DPH6: variants seen among roughly 807,000 people sequenced by gnomAD.
DPH6 encodes diphthamine biosynthesis 6.
In DPH6, 33 loss-of-function variants were observed where a neutral mutation model predicts 38.2. The ratio of observed to expected loss-of-function variants is 0.86; its 90% CI spans 0.65 to 1.15. DPH6 has a LOEUF of 1.15. Among genes scored for constraint, DPH6 ranks in the 50% most tolerant of loss-of-function variants. The pLI, the probability that DPH6 is intolerant of heterozygous loss-of-function variation, is 0.00. For missense variants in DPH6, 325 were observed against 320.0 expected (o/e 1.02, Z -0.12); for synonymous variants, 108 against 103.0 (o/e 1.05, Z -0.30).
the DPH6 span, among the ~76,000 whole-genome samples, chr15:35,197,941 T>C: frequency 6.6e-6 from 1 of 152,162 alleles, no homozygotes; most frequent in Non-Finnish European, 1.5e-5. Flanking sequence ...TTGTCACTGG[T>C]TGCATTTCCC....
intron 2 of DPH6, 141 bp from the exon 3 acceptor site, chr15:35,538,608 GTAAAA>G: frequency 1.5e-6 from 1 of 688,140 alleles, no homozygotes; most frequent in East Asian, 2.9e-5. Flanking sequence ...CATTTATGTA[GTAAAA>G]TAAAAACATA....
chr15:35,265,193 T>C (rs2051775508), intron 3 of DPH6, among the ~76,000 whole-genome samples: 1 of 151,816 alleles, frequency 6.6e-6, no homozygotes, highest in Admixed American at 6.6e-5. Context: ...AAATCTAGAA[T>C]ATAATAAGAA....
the DPH6 span, among the ~76,000 whole-genome samples, chr15:35,173,343 C>A: frequency 6.6e-6 from 1 of 152,168 alleles, no homozygotes. Context: ...AGGCAGCCAA[C>A]AAATCTTGTC....
chr15:35,165,727 T>C, the DPH6 span, among the ~76,000 whole-genome samples: 1 of 151,940 alleles, frequency 6.6e-6, no homozygotes, highest in Admixed American at 6.6e-5. Flanking sequence ...CATGTTTTCT[T>C]AAGTCATTGT....
At chr15:35,228,427 G>A in intron 3 of DPH6, among the ~76,000 whole-genome samples, 1 of 152,050 alleles carries the variant, frequency 6.6e-6, no homozygotes, top group East Asian at 1.9e-4. Flanking sequence ...CAGTGAGGTG[G>A]TTTTTGTTTT....
At chr15:35,165,848 C>A in the DPH6 span, among the ~76,000 whole-genome samples, 2 of 151,890 alleles carry the variant, frequency 1.3e-5, no homozygotes, top group African/African-American at 4.8e-5. Flanking sequence ...ATAGAGTATA[C>A]AAGATTTAGA....
intron 6 of DPH6, among the ~76,000 whole-genome samples, chr15:35,407,244 A>G (rs2053306269): frequency 7.1e-6 from 1 of 140,204 alleles, no homozygotes; most frequent in African/African-American, 2.9e-5. Flanking sequence ...TGGAAAAAGA[A>G]TTTATGCATT....
At chr15:35,281,076 G>A (rs2051895989) in intron 3 of DPH6, among the ~76,000 whole-genome samples, 2 of 152,046 alleles carry the variant, frequency 1.3e-5, no homozygotes, top group Non-Finnish European at 2.9e-5. Context: ...TTAGCATTAG[G>A]TATATCTCCT....
the DPH6 span, among the ~76,000 whole-genome samples, chr15:35,195,180 G>T: frequency 2.0e-5 from 3 of 152,086 alleles, no homozygotes; most frequent in South Asian, 6.2e-4. Context: ...TTGTCTTTCT[G>T]TGCCTGGCTT....
intron 5 of DPH6, among the ~76,000 whole-genome samples, chr15:35,427,968 C>G (rs1566905980): frequency 6.6e-6 from 1 of 151,804 alleles, no homozygotes; most frequent in African/African-American, 2.4e-5. Context: ...TCACTGCAGA[C>G]AAGAGGCAGC....
chr15:35,435,994 A>T (rs2053694963), intron 5 of DPH6, among the ~76,000 whole-genome samples: 2 of 151,748 alleles, frequency 1.3e-5, no homozygotes, highest in South Asian at 4.2e-4. Flanking sequence ...TATAGCAGTC[A>T]TCCACCTCCA....
intron 6 of DPH6, among the ~76,000 whole-genome samples, chr15:35,402,274 T>C (rs1226976913): frequency 6.6e-5 from 10 of 152,154 alleles, no homozygotes; most frequent in Non-Finnish European, 1.5e-5. Context: ...GCAGTTCAAC[T>C]GATAGTTACT....
chr15:35,397,886 C>T (rs1208845098), intron 6 of DPH6, among the ~76,000 whole-genome samples: 19 of 151,156 alleles, frequency 1.3e-4, no homozygotes, highest in East Asian at 3.9e-4. Context: ...CACACACACA[C>T]ACACACACAC....
chr15:35,329,351 T>G (rs2052309597), downstream of DPH6, among the ~76,000 whole-genome samples: 1 of 152,202 alleles, frequency 6.6e-6, no homozygotes, highest in Non-Finnish European at 1.5e-5. Flanking sequence ...AGGTGCCAGT[T>G]TTCAATAAAT....
At chr15:35,365,595 T>G (rs1344687859) in intron 3 of DPH6, among the ~76,000 whole-genome samples, 1 of 152,132 alleles carries the variant, frequency 6.6e-6, no homozygotes, top group Non-Finnish European at 1.5e-5. Context: ...AATTGGAGTT[T>G]GGAAGCATTG....
At chr15:35,531,500 C>T (rs2055087041) in intron 3 of DPH6, among the ~76,000 whole-genome samples, 1 of 152,160 alleles carries the variant, frequency 6.6e-6, no homozygotes, top group African/African-American at 2.4e-5. Flanking sequence ...GAGGCAGAGT[C>T]TCACTCTGTC....
At chr15:35,444,469 C>T (rs1227057238) in intron 5 of DPH6, among the ~76,000 whole-genome samples, 1 of 152,156 alleles carries the variant, frequency 6.6e-6, no homozygotes, top group Non-Finnish European at 1.5e-5. Context: ...AAGTGGGCAT[C>T]CTTAGCTTGG....
At chr15:35,239,091 C>T (rs2051579012) in intron 3 of DPH6, among the ~76,000 whole-genome samples, 1 of 143,860 alleles carries the variant, frequency 7.0e-6, no homozygotes, top group Admixed American at 7.5e-5. Flanking sequence ...ATCGGGGGAC[C>T]TCCCTTGGGA....
At chr15:35,283,306 T>C (rs2051915617) in intron 3 of DPH6, among the ~76,000 whole-genome samples, 1 of 150,394 alleles carries the variant, frequency 6.6e-6, no homozygotes, top group African/African-American at 2.5e-5. Flanking sequence ...CCTCCTCCTC[T>C]TATTCTTCTT....
Sources: allele counts gnomAD v4.1 joint callset (sites outside exome capture counted in the v4.1 genomes callset), GRCh38; gene constraint gnomAD v4.1.1; transcripts MANE v1.5; gene names NCBI Gene and HGNC (gene_info 2026-07-23, HGNC 2026-07-21).